Variants in UGT1A7 observed in about 807,000 individuals in gnomAD.
UGT1A7 encodes the protein UDP-glucuronosyltransferase 1A7.
A neutral mutation model predicts 45.6 loss-of-function variants in UGT1A7; 33 were observed. The ratio of observed to expected loss-of-function variants is 0.72; its 90% CI spans 0.55 to 0.97. The LOEUF is 0.97. UGT1A7 is among the 50% of genes least tolerant of loss of function. The pLI, the probability that UGT1A7 is intolerant of heterozygous loss-of-function variation, is 0.00. For missense variants in UGT1A7, 684 were observed against 666.2 expected, an observed-to-expected ratio of 1.03 and a Z score of -0.29; for synonymous variants, 274 against 250.6, an observed-to-expected ratio of 1.09 and a Z score of -0.88.
At chr2:233,718,152 T>C (rs2125658477) in intron 1 of UGT1A7, 1 of 215,796 alleles carries the variant, frequency 4.6e-6, no homozygotes, top group East Asian at 9.7e-5. Flanking sequence ...AATAAAGCCT[T>C]CCCAAGAATA....
rs373052727 is a variant in UGT1A7 at position 233,772,330 on chromosome 2, C to T, written c.1364C>T (p.Ala455Val). ...CGCCCGGTGGAGCCGCTGGACCTGGCCGTGTTCTGGGTGGAGTTTGTGATG... is the reference window on the plus strand; with the variant it reads ...CGCCCGGTGGAGCCGCTGGACCTGGTCGTGTTCTGGGTGGAGTTTGTGATG... Reference protein sequence around the residue: ...KDRPVEPLDLAVFWVEFVMRH... With the variant: ...KDRPVEPLDLVVFWVEFVMRH... The change falls in exon 5 of 5, where the codon GCC (alanine) becomes GTC (valine). Residue 455 changes from alanine to valine, a missense_variant. Ala to Val is a moderately conservative substitution (Grantham distance 64). Transcript: ENST00000373426. 1.2e-6 allele frequency: 2 copies of T among 1,614,146 alleles called. No homozygotes were observed. The highest frequency in any genetic ancestry group is 1.7e-6 in the Non-Finnish European group (2 of 1,180,034).
rs1367170822 is a variant in UGT1A7 at position 233,772,461 on chromosome 2, GT to G, written c.1496del (p.Val499GlyfsTer43). The G allele has an allele frequency of 6.2e-7, 1 of 1,614,184 alleles. No individual in the cohort carries two copies. Among genetic ancestry groups the G allele is most frequent in the Non-Finnish European group, 8.5e-7 (1 of 1,180,040 alleles). On this transcript the variant is annotated frameshift_variant, in exon 5 of 5. Coordinates refer to ENST00000373426, the MANE Select transcript of UGT1A7 (RefSeq NM_019077.3). LOFTEE classifies it high-confidence loss of function. The stretch of plus-strand genomic sequence containing the variant: ...TTTCCTCTTGGCCGTCGTGCTGACA[GT>G]GGCCTTCATCACCTTTAAATGTTGT... ...IGFLLAVVLT[V>X]AFITFKCCAY...
intron 1 of UGT1A7, chr2:233,747,460 C>G: frequency 6.2e-7 from 1 of 1,608,790 alleles, no homozygotes; most frequent in South Asian, 1.1e-5. Context: ...TATGCCATTT[C>G]ATGGACCCAG....
intron 1 of UGT1A7, among the ~76,000 whole-genome samples, chr2:233,734,191 TC>T (rs2078496929): frequency 6.6e-6 from 1 of 152,190 alleles, no homozygotes; most frequent in South Asian, 2.1e-4. Context: ...AATTATTGCC[TC>T]AATTTCAGAG....
intron 1 of UGT1A7, chr2:233,718,932 G>A (rs781665803): frequency 3.7e-6 from 6 of 1,614,132 alleles, no homozygotes; most frequent in Non-Finnish European, 4.2e-6. Context: ...GCCCACTGAT[G>A]GCAGCCCCTG....
intron 1 of UGT1A7, among the ~76,000 whole-genome samples, chr2:233,716,306 C>A (rs1005131476): frequency 6.6e-6 from 1 of 152,218 alleles, no homozygotes; most frequent in African/African-American, 2.4e-5. Context: ...AAAGTCTCTT[C>A]CACCTGTAAT....
At chr2:233,765,423 G>T (rs181881481) in intron 1 of UGT1A7, among the ~76,000 whole-genome samples, 1 of 152,168 alleles carries the variant, frequency 6.6e-6, no homozygotes, top group South Asian at 2.1e-4. Context: ...ATACTATGCA[G>T]CCATAACAAG....
chr2:233,754,706 C>T, intron 1 of UGT1A7: 1 of 528,090 alleles, frequency 1.9e-6, no homozygotes, highest in South Asian at 1.5e-5. Context: ...TCGACATGGA[C>T]TTGAAGCTGC....
intron 1 of UGT1A7, among the ~76,000 whole-genome samples, chr2:233,765,522 C>T (rs1046114337): frequency 3.9e-5 from 6 of 151,992 alleles, no homozygotes; most frequent in East Asian, 1.9e-4. Flanking sequence ...AATCAAACAC[C>T]GCATGTTCTC....
At chr2:233,739,958 T>A (rs1559383787) in intron 1 of UGT1A7, among the ~76,000 whole-genome samples, 1 of 151,938 alleles carries the variant, frequency 6.6e-6, no homozygotes, top group Non-Finnish European at 1.5e-5. Flanking sequence ...TGGGAGCTGA[T>A]TGAATCATAT....
At chr2:233,746,507 C>T (rs1477077635) in intron 1 of UGT1A7, among the ~76,000 whole-genome samples, 1 of 151,718 alleles carries the variant, frequency 6.6e-6, no homozygotes, top group Non-Finnish European at 1.5e-5. Context: ...TTAGTAGCCC[C>T]CAAAGCAAGA....
At chr2:233,713,006 C>T (rs755278737) in intron 1 of UGT1A7, 4 of 1,613,544 alleles carry the variant, frequency 2.5e-6, no homozygotes, top group Non-Finnish European at 3.4e-6. Context: ...CCACAGGACT[C>T]CAGGTTCCCC....
At position 233,763,627 on chromosome 2, in the gene UGT1A7, G is replaced by A. The variant is rs1698360678; in HGVS notation, c.856-3407G>A. Among the ~76,000 whole-genome samples, 2 of 152,126 alleles carry A rather than the reference G, an allele frequency of 1.3e-5. 1 individual carries two copies. Among genetic ancestry groups the A allele is most frequent in the Admixed American group, 1.3e-4 (2 of 15,272 alleles). ...CACTCTGCACTACCATTCCTCTTGT[G>A]TTGATGGTCCTATTCTCAATACTCT... On this transcript the variant is annotated intron_variant, in intron 1 of 4. Transcript: ENST00000373426.
At chr2:233,730,386 T>A (rs1243886406) in intron 1 of UGT1A7, among the ~76,000 whole-genome samples, 1 of 152,190 alleles carries the variant, frequency 6.6e-6, no homozygotes, top group East Asian at 1.9e-4. Flanking sequence ...GGAAAGATGA[T>A]GCAACAGTAA....
chr2:233,699,456 A>T (rs1190557826), intron 1 of UGT1A7, among the ~76,000 whole-genome samples: 1 of 152,192 alleles, frequency 6.6e-6, no homozygotes, highest in African/African-American at 2.4e-5. Flanking sequence ...CCTTAGAACA[A>T]AGGAGGTCAG....
At chr2:233,685,640 A>T (rs2074747798) in intron 1 of UGT1A7, among the ~76,000 whole-genome samples, 1 of 152,250 alleles carries the variant, frequency 6.6e-6, no homozygotes, top group Non-Finnish European at 1.5e-5. Context: ...GTTTTCGAAC[A>T]TATACCAAGG....
chr2:233,696,076 C>G (rs909359258), intron 1 of UGT1A7, among the ~76,000 whole-genome samples: 4 of 152,100 alleles, frequency 2.6e-5, no homozygotes, highest in Non-Finnish European at 5.9e-5. Flanking sequence ...CTATGAAGAA[C>G]AGTATGGAGA....
At chr2:233,690,727 C>T (rs1230785523) in intron 1 of UGT1A7, 1 of 1,211,686 alleles carries the variant, frequency 8.3e-7, no homozygotes, top group South Asian at 1.5e-5. Context: ...AACAGACATG[C>T]CAGATTCCTC....
At position 233,772,470 on chromosome 2, in the gene UGT1A7, A is replaced by G. The variant is rs1372118451; in HGVS notation, c.1504A>G (p.Ile502Val). 4 of 1,614,038 alleles carry G rather than the reference A, an allele frequency of 2.5e-6. No homozygotes were observed. The Admixed American group carries it at 5.0e-5, about 20-fold the overall frequency. Residue 502 changes from isoleucine (I) to valine (V), a missense_variant, in exon 5 of 5, where the codon ATC becomes GTC. Coordinates refer to ENST00000373426, the MANE Select transcript of UGT1A7 (RefSeq NM_019077.3). Reference protein sequence around the residue: ...LLAVVLTVAFITFKCCAYGYR... With the variant: ...LLAVVLTVAFVTFKCCAYGYR... ...GGCCGTCGTGCTGACAGTGGCCTTC[A>G]TCACCTTTAAATGTTGTGCTTATGG...
Sources: allele counts gnomAD v4.1 joint callset (sites outside exome capture counted in the v4.1 genomes callset), GRCh38; gene constraint gnomAD v4.1.1; transcripts MANE v1.5; gene names NCBI Gene and HGNC (gene_info 2026-07-23, HGNC 2026-07-21).